The following CTXND1 variants were observed in gnomAD, a reference collection of about 807,000 sequenced individuals.
The protein encoded by CTXND1 is cortexin domain-containing 1 protein.
At chr15:80,225,328 G>T (rs187532153) in intron 1 of CTXND1, among the ~76,000 whole-genome samples, 2,327 of 147,848 alleles carry the variant, frequency 0.016, 27 homozygotes, top group Non-Finnish European at 0.023. Flanking sequence ...TTTAATGTGT[G>T]TGTTTTTTTG....
chr15:80,241,281 T>A (rs1893563312), intron 1 of CTXND1, among the ~76,000 whole-genome samples: 1 of 152,166 alleles, frequency 6.6e-6, no homozygotes, highest in South Asian at 2.1e-4. Flanking sequence ...AGCACCATTG[T>A]CTGAGAAGGA....
intron 1 of CTXND1, among the ~76,000 whole-genome samples, chr15:80,210,884 T>C (rs537242382): frequency 5.9e-5 from 9 of 152,322 alleles, no homozygotes; most frequent in African/African-American, 2.2e-4. Flanking sequence ...TCTCACTGTG[T>C]GCCCACAAGA....
chr15:80,204,499 C>T (rs918752707), intron 1 of CTXND1, among the ~76,000 whole-genome samples: 32 of 151,684 alleles, frequency 2.1e-4, no homozygotes, highest in African/African-American at 7.7e-4. Context: ...ATGAATCTGA[C>T]TGCTCTACAT....
At chr15:80,247,452 G>A (rs1227771559) in intron 1 of CTXND1, among the ~76,000 whole-genome samples, 1 of 152,108 alleles carries the variant, frequency 6.6e-6, no homozygotes, top group Non-Finnish European at 1.5e-5. Flanking sequence ...TGGAATGACA[G>A]ATGAAGAATG....
intron 1 of CTXND1, among the ~76,000 whole-genome samples, chr15:80,248,894 G>T (rs1007396888): frequency 1.3e-5 from 2 of 152,124 alleles, no homozygotes; most frequent in Non-Finnish European, 2.9e-5. Context: ...ACCCATGTCT[G>T]CCACCAGGCT....
At chr15:80,207,248 C>A (rs1010190896) in intron 1 of CTXND1, among the ~76,000 whole-genome samples, 3 of 151,954 alleles carry the variant, frequency 2.0e-5, no homozygotes, top group Admixed American at 2.0e-4. Flanking sequence ...TACACTTAGA[C>A]CTTTTCACTG....
chr15:80,208,650 G>A (rs1313431257), intron 1 of CTXND1, among the ~76,000 whole-genome samples: 1 of 152,130 alleles, frequency 6.6e-6, no homozygotes, highest in Non-Finnish European at 1.5e-5. Flanking sequence ...ACCCTCTCCA[G>A]CAGTATCACC....
chr15:80,244,464 C>T (rs1893606804), intron 1 of CTXND1, among the ~76,000 whole-genome samples: 2 of 152,240 alleles, frequency 1.3e-5, no homozygotes, highest in African/African-American at 4.8e-5. Context: ...GGACTCCATT[C>T]TTCCAGGGGG....
At chr15:80,227,050 T>C (rs911141285) in intron 1 of CTXND1, among the ~76,000 whole-genome samples, 2 of 152,216 alleles carry the variant, frequency 1.3e-5, no homozygotes, top group African/African-American at 2.4e-5. Context: ...TTGAGTTTTA[T>C]TGAGTGCACA....
intron 1 of CTXND1, among the ~76,000 whole-genome samples, chr15:80,223,755 G>C (rs561008681): frequency 6.6e-6 from 1 of 151,422 alleles, no homozygotes; most frequent in East Asian, 1.9e-4. Flanking sequence ...GGTAGATTGT[G>C]GTTTTTATTT....
chr15:80,230,543 T>A (rs1020032798), intron 1 of CTXND1, among the ~76,000 whole-genome samples: 2 of 152,218 alleles, frequency 1.3e-5, no homozygotes, highest in African/African-American at 4.8e-5. Flanking sequence ...TAGATTTCCA[T>A]CCTTATCTTT....
At chr15:80,236,901 T>G (rs988912362) in intron 1 of CTXND1, among the ~76,000 whole-genome samples, 12 of 152,300 alleles carry the variant, frequency 7.9e-5, no homozygotes, top group Middle Eastern at 6.8e-3. Context: ...GCAATGCTGT[T>G]GTAAACAAAC....
chr15:80,242,970 G>A (rs1288683745), intron 1 of CTXND1, among the ~76,000 whole-genome samples: 1 of 152,212 alleles, frequency 6.6e-6, no homozygotes, highest in Admixed American at 6.5e-5. Context: ...TCCAAACTTT[G>A]TTGCACAGGC....
At chr15:80,251,039 A>AC (rs1457019160) in intron 1 of CTXND1, among the ~76,000 whole-genome samples, 1 of 152,218 alleles carries the variant, frequency 6.6e-6, no homozygotes, top group African/African-American at 2.4e-5. Flanking sequence ...TCAGAGGAGA[A>AC]CTGAGAAGAA....
intron 1 of CTXND1, among the ~76,000 whole-genome samples, chr15:80,249,677 C>G (rs1893672607): frequency 6.6e-6 from 1 of 152,088 alleles, no homozygotes; most frequent in Non-Finnish European, 1.5e-5. Flanking sequence ...TGATTTGTCC[C>G]CCACAAATGC....
intron 1 of CTXND1, among the ~76,000 whole-genome samples, chr15:80,240,603 T>C (rs993357332): frequency 2.0e-5 from 3 of 151,536 alleles, no homozygotes; most frequent in East Asian, 3.9e-4. Context: ...AAGACTCTTC[T>C]GGAAGTCCTA....
intron 1 of CTXND1, among the ~76,000 whole-genome samples, chr15:80,250,663 A>T (rs1893682877): frequency 6.6e-6 from 1 of 152,260 alleles, no homozygotes. Context: ...GTTTCAGAAC[A>T]GTTTTCCCAA....
rs1177592447 is a variant in CTXND1 at position 80,197,969 on chromosome 15, G to A, written c.*3801C>T. On this transcript the variant is annotated 3_prime_UTR_variant, in exon 3 of 3. Transcript: ENST00000560778. ...GAAAAAAATGAAATAGCTATGATGG[G>A]AATGATATGCCAGGATGGTAAAGCT... 3 of 152,204 alleles carry A rather than the reference G, an allele frequency of 2.0e-5. No homozygotes were observed. Among genetic ancestry groups the A allele is most frequent in the Non-Finnish European group, 4.4e-5 (3 of 68,044 alleles). The allele number at this position is 152,204 out of a possible 1,614,324, so 9.4% of individuals were successfully genotyped here.
At chr15:80,216,734 C>T (rs1166626799) in intron 1 of CTXND1, among the ~76,000 whole-genome samples, 1 of 152,104 alleles carries the variant, frequency 6.6e-6, no homozygotes, top group African/African-American at 2.4e-5. Context: ...CCTGCCTCAG[C>T]CTCCTGAGTA....
Sources: gnomAD v4.1 joint callset for allele counts (sites outside exome capture counted in the v4.1 genomes callset) on GRCh38, gnomAD v4.1.1 for gene constraint, MANE v1.5 for transcripts, NCBI Gene and HGNC (gene_info 2026-07-23, HGNC 2026-07-21) for gene names.